RASEF: variants seen among roughly 807,000 people sequenced by gnomAD.
RASEF encodes the protein ras and EF-hand domain-containing protein.
Under a neutral mutation model 90.1 loss-of-function variants are expected in RASEF, and 68 were observed. That is an observed-to-expected ratio of 0.75 (90% CI 0.62 to 0.92). The LOEUF (loss-of-function observed/expected upper bound fraction) is 0.92. Ranked by LOEUF, RASEF falls within the 40% of genes least tolerant of loss-of-function variation. The pLI, the probability that RASEF is intolerant of heterozygous loss-of-function variation, is 0.00. For missense variants in RASEF, 949 were observed against 937.2 expected (o/e 1.01, Z -0.16); for synonymous variants, 331 against 345.2 (o/e 0.96, Z 0.46).
the RASEF span, among the ~76,000 whole-genome samples, chr9:83,111,220 G>T: frequency 6.6e-6 from 1 of 152,188 alleles, no homozygotes; most frequent in African/African-American, 2.4e-5. Context: ...CAAATTGCAT[G>T]CAATGAAATA....
chr9:83,107,512 T>C, the RASEF span, among the ~76,000 whole-genome samples: 1 of 152,190 alleles, frequency 6.6e-6, no homozygotes, highest in African/African-American at 2.4e-5. Flanking sequence ...TCTATTTCCA[T>C]TTTCTTATTT....
At chr9:83,033,215 A>C (rs1829677030) in intron 1 of RASEF, among the ~76,000 whole-genome samples, 1 of 152,216 alleles carries the variant, frequency 6.6e-6, no homozygotes, top group Non-Finnish European at 1.5e-5. Context: ...GCATCTGAAC[A>C]TGAGACATGA....
the RASEF span, among the ~76,000 whole-genome samples, chr9:83,075,575 TC>T: frequency 6.6e-6 from 1 of 152,174 alleles, no homozygotes; most frequent in Admixed American, 6.5e-5. Flanking sequence ...CAAATTATGT[TC>T]TGAAGACCAC....
At chr9:82,991,915 T>C (rs952714353) in intron 15 of RASEF, among the ~76,000 whole-genome samples, 5 of 152,310 alleles carry the variant, frequency 3.3e-5, no homozygotes, top group African/African-American at 4.8e-5. Flanking sequence ...CAGTAAACAA[T>C]ACGAGGGCAA....
At chr9:83,023,932 A>G (rs571468938) in intron 2 of RASEF, among the ~76,000 whole-genome samples, 4 of 152,348 alleles carry the variant, frequency 2.6e-5, no homozygotes, top group African/African-American at 9.6e-5. Flanking sequence ...GCATAATCAC[A>G]GAGTGCTTGC....
chr9:83,086,070 C>T, the RASEF span, among the ~76,000 whole-genome samples: 2 of 152,102 alleles, frequency 1.3e-5, no homozygotes, highest in Admixed American at 6.5e-5. Context: ...TTTAAAAAAA[C>T]TTTCAGGTGG....
the RASEF span, among the ~76,000 whole-genome samples, chr9:83,171,155 G>A: frequency 0.081 from 12,352 of 151,742 alleles, 689 homozygotes; most frequent in African/African-American, 0.16. Context: ...AAATTTCATT[G>A]AGTGATTTAT....
At chr9:83,182,912 A>C in the RASEF span, among the ~76,000 whole-genome samples, 1 of 152,196 alleles carries the variant, frequency 6.6e-6, no homozygotes, top group Non-Finnish European at 1.5e-5. Flanking sequence ...AATATATGCA[A>C]CAAAAGGATG....
At chr9:83,076,580 C>T in the RASEF span, among the ~76,000 whole-genome samples, 1 of 149,600 alleles carries the variant, frequency 6.7e-6, no homozygotes, top group African/African-American at 2.5e-5. Context: ...CAATGTTTTC[C>T]AGCAATAAAC....
intron 16 of RASEF, among the ~76,000 whole-genome samples, chr9:82,983,500 C>A (rs115110864): frequency 1.3e-5 from 2 of 152,054 alleles, no homozygotes; most frequent in South Asian, 4.1e-4. Context: ...AATATGAAGA[C>A]CAGAAGTCTC....
At chr9:82,986,018 A>C (rs1828703797) in intron 16 of RASEF, among the ~76,000 whole-genome samples, 2 of 152,174 alleles carry the variant, frequency 1.3e-5, no homozygotes, top group African/African-American at 4.8e-5. Flanking sequence ...TGAGGGGTTA[A>C]AAATACAAAA....
the RASEF span, among the ~76,000 whole-genome samples, chr9:83,156,462 A>T: frequency 1.3e-5 from 2 of 152,196 alleles, no homozygotes; most frequent in Non-Finnish European, 2.9e-5. Context: ...TGGAATGCCC[A>T]GGGCATAGAT....
the RASEF span, among the ~76,000 whole-genome samples, chr9:83,157,601 G>A: frequency 3.9e-5 from 6 of 152,176 alleles, no homozygotes; most frequent in African/African-American, 9.7e-5. Flanking sequence ...TACCTAGTCT[G>A]TAGTATTATG....
Position 83,012,559 on chromosome 9 carries a change from G to C in RASEF, c.766-48C>G. On this transcript the variant is annotated intron_variant, in intron 4 of 16. Transcript: ENST00000376447. ...TGTGCTTACAAACTCACTTTGAATT[G>C]CTTTGGTTAAGTTTAGGACTATCCT... 2.5e-6 allele frequency: 3 copies of C among 1,208,242 alleles called. No individual in the cohort carries two copies. In the South Asian group the frequency reaches 4.2e-5, roughly 17 times the overall value. 74.8% of individuals were successfully genotyped at this position (1,208,242 alleles called of 1,614,324 possible).
chr9:83,111,575 A>G, the RASEF span, among the ~76,000 whole-genome samples: 1 of 152,176 alleles, frequency 6.6e-6, no homozygotes, highest in Non-Finnish European at 1.5e-5. Context: ...ATTTCATAAT[A>G]TATTCATATA....
chr9:83,142,357 A>G, the RASEF span, among the ~76,000 whole-genome samples: 2 of 152,244 alleles, frequency 1.3e-5, no homozygotes, highest in African/African-American at 4.8e-5. Flanking sequence ...AGCAATAGAA[A>G]TATAAGCAGG....
chr9:83,187,962 G>A, the RASEF span, among the ~76,000 whole-genome samples: 10 of 152,158 alleles, frequency 6.6e-5, no homozygotes, highest in African/African-American at 9.7e-5. Flanking sequence ...TCTGCAAGAC[G>A]GGGGTGGAGA....
intron 4 of RASEF, 117 bp downstream of exon 4, chr9:83,015,688 T>C (rs916373038): frequency 4.5e-5 from 36 of 796,056 alleles, no homozygotes; most frequent in Admixed American, 4.4e-4. Flanking sequence ...TCAAAACAAA[T>C]CTGAAATCTG....
chr9:83,025,067 G>T (rs1587504117), intron 2 of RASEF, among the ~76,000 whole-genome samples: 1 of 152,182 alleles, frequency 6.6e-6, no homozygotes, highest in African/African-American at 2.4e-5. Context: ...GGGCAAAGAG[G>T]CTGACGTTTG....
Sources: gnomAD v4.1 joint callset for allele counts (sites outside exome capture counted in the v4.1 genomes callset) on GRCh38, gnomAD v4.1.1 for gene constraint, MANE v1.5 for transcripts, NCBI Gene and HGNC (gene_info 2026-07-23, HGNC 2026-07-21) for gene names.